Variants in RBFOX1 observed in about 807,000 individuals in gnomAD.
RBFOX1 encodes RNA binding protein fox-1 homolog 1.
RBFOX1 carries 8 observed loss-of-function variants against 57.7 expected under a neutral mutation model. The ratio of observed to expected loss-of-function variants is 0.14; its 90% CI spans 0.08 to 0.25. The LOEUF (loss-of-function observed/expected upper bound fraction) is 0.25. Among genes scored for constraint, RBFOX1 ranks in the 10% least tolerant of loss-of-function variants. The pLI is 1.00. For synonymous variants in RBFOX1, 326 were observed against 222.4 expected (o/e 1.47, Z -4.15); for missense variants, 611 against 548.5 (o/e 1.11, Z -1.14).
intron 3 of RBFOX1, among the ~76,000 whole-genome samples, chr16:5,779,030 A>G (rs1211210907): frequency 6.6e-6 from 1 of 152,208 alleles, no homozygotes; most frequent in Non-Finnish European, 1.5e-5. Context: ...TTCTGGGATG[A>G]ACCAACCTAT....
intron 4 of RBFOX1, among the ~76,000 whole-genome samples, chr16:7,222,756 A>T (rs1350237676): frequency 6.6e-6 from 1 of 152,222 alleles, no homozygotes; most frequent in Non-Finnish European, 1.5e-5. Context: ...AGTAATCATT[A>T]TCAAAGTGGT....
At chr16:6,862,538 T>G (rs886347614) in intron 3 of RBFOX1, among the ~76,000 whole-genome samples, 1 of 152,206 alleles carries the variant, frequency 6.6e-6, no homozygotes, top group African/African-American at 2.4e-5. Flanking sequence ...GAGGTGATAC[T>G]TAACCAGCAT....
At chr16:7,540,198 C>T (rs57833334) in intron 5 of RBFOX1, among the ~76,000 whole-genome samples, 25,838 of 152,168 alleles carry the variant, frequency 0.17, 2,805 homozygotes, top group East Asian at 0.36. Flanking sequence ...CCCAAGCTTG[C>T]GATGTTGCTT....
intron 5 of RBFOX1, among the ~76,000 whole-genome samples, chr16:7,559,846 T>A (rs1366815561): frequency 1.3e-5 from 2 of 152,220 alleles, no homozygotes; most frequent in Non-Finnish European, 2.9e-5. Context: ...ATTTTAAGGC[T>A]GTGGGAAGAA....
intron 3 of RBFOX1, among the ~76,000 whole-genome samples, chr16:5,702,085 T>C (rs1474484678): frequency 6.6e-6 from 1 of 152,106 alleles, no homozygotes; most frequent in Non-Finnish European, 1.5e-5. Context: ...GGTGGGGAAT[T>C]GGCTGGGAAG....
intron 2 of RBFOX1, among the ~76,000 whole-genome samples, chr16:5,517,860 A>T (rs1048986590): frequency 6.6e-6 from 1 of 151,900 alleles, no homozygotes; most frequent in African/African-American, 2.4e-5. Flanking sequence ...ACACACACAC[A>T]CACGTACATA....
At chr16:6,907,292 G>C (rs1405315518) in intron 3 of RBFOX1, among the ~76,000 whole-genome samples, 1 of 152,124 alleles carries the variant, frequency 6.6e-6, no homozygotes, top group African/African-American at 2.4e-5. Flanking sequence ...CATCTTTACC[G>C]ATGTGCCTCC....
intron 1 of RBFOX1, among the ~76,000 whole-genome samples, chr16:6,067,714 T>C (rs1438596301): frequency 6.6e-6 from 1 of 152,094 alleles, no homozygotes; most frequent in African/African-American, 2.4e-5. Context: ...TAAAACCAAT[T>C]TGAGGAAGAG....
intron 2 of RBFOX1, among the ~76,000 whole-genome samples, chr16:6,534,839 A>G (rs913772574): frequency 3.9e-5 from 6 of 152,126 alleles, no homozygotes; most frequent in Non-Finnish European, 7.4e-5. Flanking sequence ...TATACTTAAG[A>G]TCTGTGCAGT....
At chr16:6,818,733 T>C (rs1382126582) in intron 3 of RBFOX1, among the ~76,000 whole-genome samples, 1 of 152,026 alleles carries the variant, frequency 6.6e-6, no homozygotes, top group East Asian at 1.9e-4. Context: ...TGTCATCAGA[T>C]AGAAAAAGCC....
At chr16:5,707,443 C>T (rs967858284) in intron 3 of RBFOX1, among the ~76,000 whole-genome samples, 7 of 152,116 alleles carry the variant, frequency 4.6e-5, no homozygotes, top group East Asian at 3.9e-4. Flanking sequence ...CTCATGAAGG[C>T]GGTTGGACCC....
In RBFOX1 at chr16:5,579,264, T is replaced by C. The variant is rs138130409; in HGVS notation, c.259-19638T>C. On this transcript the variant is annotated intron_variant, in intron 2 of 2. Transcript: ENST00000585867. Reference sequence around the variant, plus strand: ...GTGCAGGTAGCCAGACAGGTGCTTATGCAGAAACCCTCCAGGCATTCTTGC... The same window carrying C: ...GTGCAGGTAGCCAGACAGGTGCTTACGCAGAAACCCTCCAGGCATTCTTGC... Among the ~76,000 whole-genome samples the C allele has an allele frequency of 2.8e-3, 419 of 152,276 alleles. 4 individuals carry two copies. Among genetic ancestry groups the C allele is most frequent in the South Asian group, 0.011 (52 of 4,824 alleles).
At chr16:7,435,755 G>T (rs932401461) in intron 4 of RBFOX1, among the ~76,000 whole-genome samples, 1 of 152,154 alleles carries the variant, frequency 6.6e-6, no homozygotes, top group African/African-American at 2.4e-5. Context: ...TTTCTTTAAA[G>T]AGCTTCATCA....
intron 4 of RBFOX1, among the ~76,000 whole-genome samples, chr16:7,217,417 C>A (rs1405378763): frequency 1.3e-5 from 2 of 151,006 alleles, no homozygotes; most frequent in Admixed American, 6.6e-5. Context: ...GCATGAACCA[C>A]CACGTCCAGC....
intron 2 of RBFOX1, among the ~76,000 whole-genome samples, chr16:6,590,907 C>T (rs193241014): frequency 6.6e-6 from 1 of 152,166 alleles, no homozygotes; most frequent in East Asian, 1.9e-4. Flanking sequence ...TGCATTTGCA[C>T]ATTTAGGTTA....
chr16:6,289,122 A>T (rs1369651886), intron 1 of RBFOX1, among the ~76,000 whole-genome samples: 1 of 152,106 alleles, frequency 6.6e-6, no homozygotes, highest in African/African-American at 2.4e-5. Context: ...ATAAAAAGGG[A>T]ATTTACTTAT....
chr16:7,022,585 C>G (rs1041753277), intron 3 of RBFOX1, among the ~76,000 whole-genome samples: 1 of 152,020 alleles, frequency 6.6e-6, no homozygotes, highest in Non-Finnish European at 1.5e-5. Flanking sequence ...GAAAACTTAT[C>G]TAATATTTAT....
chr16:6,709,039 C>A (rs1295093466), intron 3 of RBFOX1, among the ~76,000 whole-genome samples: 3 of 151,940 alleles, frequency 2.0e-5, no homozygotes, highest in African/African-American at 7.3e-5. Context: ...ACACCATCTC[C>A]CCAGGTGAGC....
downstream of RBFOX1, among the ~76,000 whole-genome samples, chr16:5,600,347 G>A (rs944856922): frequency 4.6e-5 from 7 of 151,314 alleles, no homozygotes; most frequent in South Asian, 2.1e-4. Flanking sequence ...TTAGCTGAGC[G>A]TGGTGTTGTG....
Sources: gnomAD v4.1 joint callset for allele counts (sites outside exome capture counted in the v4.1 genomes callset) on GRCh38, gnomAD v4.1.1 for gene constraint, MANE v1.5 for transcripts, NCBI Gene and HGNC (gene_info 2026-07-23, HGNC 2026-07-21) for gene names.